POLE2: variants seen among roughly 807,000 people sequenced by gnomAD.
POLE2 encodes DNA polymerase epsilon subunit 2.
In POLE2, 56 loss-of-function variants were observed where a neutral mutation model predicts 79.4. The observed-to-expected ratio is 0.71, with a 90% CI of 0.57 to 0.88. POLE2 has a LOEUF of 0.88. Among genes scored for constraint, POLE2 ranks in the 40% least tolerant of loss-of-function variants. The pLI is 0.00. For synonymous variants in POLE2, 212 were observed against 214.0 expected (o/e 0.99, Z 0.08); for missense variants, 598 against 638.9 (o/e 0.94, Z 0.69).
At chr14:49,688,062 C>T in intron 1 of POLE2, 74 bp downstream of exon 1, 2 of 1,238,724 alleles carry the variant, frequency 1.6e-6, no homozygotes, top group Non-Finnish European at 2.3e-6. Flanking sequence ...CGCCGCGGTG[C>T]GTCCCGCTGC....
At chr14:49,672,678 T>C (rs1885984619) in intron 5 of POLE2, among the ~76,000 whole-genome samples, 1 of 152,130 alleles carries the variant, frequency 6.6e-6, no homozygotes. Context: ...TTTGTATTTT[T>C]ACTAGAGACA....
At position 49,650,347 on chromosome 14, in the gene POLE2, T is replaced by C; in HGVS notation, c.1415A>G (p.Tyr472Cys). 6.2e-7 allele frequency: 1 copy of C among 1,611,530 alleles called. No individual in the cohort carries two copies. The highest frequency in any genetic ancestry group is 1.1e-5 in the South Asian group (1 of 90,794). Residue 472 changes from tyrosine (Y) to cysteine (C), a missense_variant, in exon 17 of 19, where the codon TAT becomes TGT. Tyr to Cys is a radical substitution (Grantham distance 194, BLOSUM62 -2). Coordinates refer to ENST00000216367, the MANE Select transcript of POLE2 (RefSeq NM_002692.4). ...AATGACAAGTAGATCGGGCACAGGA[T>C]ACACTCTCAAAGCATAGTCATATGC... ...YWAYDYALRV[Y>C]PVPDLLVIAD...
At chr14:49,654,324 A>C (rs1223498260) in intron 13 of POLE2, 110 bp from the exon 14 acceptor site, 11 of 738,136 alleles carry the variant, frequency 1.5e-5, no homozygotes, top group Admixed American at 2.8e-5. Context: ...AAAACATTTA[A>C]ATTTCATGCA....
intron 13 of POLE2, 105 bp downstream of exon 13, chr14:49,654,679 T>G (rs1884519613): frequency 7.7e-7 from 1 of 1,304,664 alleles, no homozygotes; most frequent in South Asian, 1.6e-5. Context: ...CTCAACTTTA[T>G]CTTTCTTCCT....
At chr14:49,683,499 T>C (rs1236249041) in intron 2 of POLE2, 94 bp downstream of exon 2, 5 of 633,098 alleles carry the variant, frequency 7.9e-6, no homozygotes, top group Non-Finnish European at 1.4e-5. Flanking sequence ...GACATCTTAA[T>C]AGTGAAGCCT....
At chr14:49,658,235 C>G (rs1884847687) in intron 10 of POLE2, among the ~76,000 whole-genome samples, 1 of 152,172 alleles carries the variant, frequency 6.6e-6, no homozygotes, top group African/African-American at 2.4e-5. Flanking sequence ...TGCCACCACG[C>G]CCGGCTAATT....
Position 49,643,630 on chromosome 14 carries a change from C to T in POLE2, c.*22G>A. ...GTTAAGCAGAAAACTGATGAATTTT[C>T]TTCAGATGATCTTTAAGAATCTCAA... On this transcript the variant is annotated 3_prime_UTR_variant, in exon 19 of 19. Transcript: ENST00000216367. 7.6e-7 allele frequency: 1 copy of T among 1,314,192 alleles called. No individual in the cohort carries two copies. The highest frequency in any genetic ancestry group is 1.1e-6 in the Non-Finnish European group (1 of 934,024). The allele number at this position is 1,314,192 out of a possible 1,614,324, so 81.4% of individuals were successfully genotyped here. A position where few individuals can be genotyped will look rare whatever the true frequency, so the allele number is the denominator to read the frequency against.
chr14:49,664,535 C>T, intron 9 of POLE2, 91 bp downstream of exon 9: 1 of 841,600 alleles, frequency 1.2e-6, no homozygotes, highest in Non-Finnish European at 2.0e-6. Flanking sequence ...TAATGGTATC[C>T]CAAATTATAT....
chr14:49,656,082 A>G (rs934105222), intron 10 of POLE2, among the ~76,000 whole-genome samples: 3 of 152,146 alleles, frequency 2.0e-5, no homozygotes, highest in Admixed American at 6.5e-5. Flanking sequence ...ACGGCCGGGC[A>G]CGGTGGCTCA....
At position 49,665,983 on chromosome 14, in the gene POLE2, C is replaced by T. The variant is rs45553140; in HGVS notation, c.576+347G>A. Among the ~76,000 whole-genome samples, 1,111 of 152,196 alleles carry T rather than the reference C, an allele frequency of 7.3e-3. 12 individuals are homozygous for T. Among genetic ancestry groups the T allele is most frequent in the African/African-American group, 0.025 (1,046 of 41,524 alleles). On this transcript the variant is annotated intron_variant, in intron 7 of 18. Transcript: ENST00000216367. ...CTGGGATTACAGGCATGTGCCACCA[C>T]GCCTGGCTAATTTTGTATTTTTAGT...
At chr14:49,653,760 C>T (rs984634861) in intron 15 of POLE2, among the ~76,000 whole-genome samples, 5 of 95,736 alleles carry the variant, frequency 5.2e-5, no homozygotes, top group Non-Finnish European at 1.0e-4. Context: ...TCAAGTGATC[C>T]TCCCATCTCA....
intron 3 of POLE2, 34 bp downstream of exon 3, chr14:49,679,691 C>T (rs1414791372): frequency 8.6e-7 from 1 of 1,160,560 alleles, no homozygotes; most frequent in Non-Finnish European, 1.3e-6. Flanking sequence ...AATAACACCT[C>T]CAAGGAGGAA....
At chr14:49,668,783 A>G (rs992953649) in intron 6 of POLE2, among the ~76,000 whole-genome samples, 13 of 152,096 alleles carry the variant, frequency 8.5e-5, no homozygotes, top group African/African-American at 3.1e-4. Flanking sequence ...TCTAAAATCT[A>G]ATTTATACTC....
chr14:49,675,472 C>T (rs1224782163), intron 3 of POLE2, among the ~76,000 whole-genome samples: 2 of 151,968 alleles, frequency 1.3e-5, no homozygotes, highest in Non-Finnish European at 2.9e-5. Context: ...GACAGTCTCA[C>T]TCTGATGCCC....
At chr14:49,669,646 TA>T in intron 5 of POLE2, 48 bp from the exon 6 acceptor site, 1 of 968,438 alleles carries the variant, frequency 1.0e-6, no homozygotes, top group Non-Finnish European at 1.7e-6. Flanking sequence ...GACATTTAAA[TA>T]TAAGATTCAT....
chr14:49,672,709 G>A (rs1237887836), intron 5 of POLE2, among the ~76,000 whole-genome samples: 1 of 152,114 alleles, frequency 6.6e-6, no homozygotes, highest in Non-Finnish European at 1.5e-5. Context: ...ATGTTGGTCA[G>A]GCTGGTCTCG....
At chr14:49,654,431 A>C in intron 13 of POLE2, 1 of 503,892 alleles carries the variant, frequency 2.0e-6, no homozygotes, top group Non-Finnish European at 3.5e-6. Context: ...GAACACTTGA[A>C]TTGTGGCTAG....
chr14:49,675,376 G>A (rs370780152), intron 3 of POLE2, among the ~76,000 whole-genome samples: 8 of 151,960 alleles, frequency 5.3e-5, no homozygotes, highest in Admixed American at 2.6e-4. Context: ...GAGCCACTGC[G>A]CCCGGCCATG....
At chr14:49,672,551 G>T (rs1885973487) in intron 5 of POLE2, among the ~76,000 whole-genome samples, 1 of 150,568 alleles carries the variant, frequency 6.6e-6, no homozygotes, top group African/African-American at 2.5e-5. Flanking sequence ...CCAGGCTGGA[G>T]TGCAATGGCG....
Sources: allele counts gnomAD v4.1 joint callset (sites outside exome capture counted in the v4.1 genomes callset), GRCh38; gene constraint gnomAD v4.1.1; transcripts MANE v1.5; gene names NCBI Gene and HGNC (gene_info 2026-07-23, HGNC 2026-07-21).